Variants in ZNF679 observed in about 807,000 individuals in gnomAD.
ZNF679 encodes zinc finger protein 679, also known as hypothetical protein MGC42415.
In ZNF679, 10 loss-of-function variants were observed where a neutral mutation model predicts 13.4. That is an observed-to-expected ratio of 0.75 (90% CI 0.46 to 1.27). The LOEUF (loss-of-function observed/expected upper bound fraction) is 1.27, where lower values mean the gene tolerates loss of function less well. ZNF679 is among the 50% of genes most tolerant of loss of function. The pLI is 0.00. For synonymous variants in ZNF679, 179 were observed against 162.5 expected (o/e 1.10, Z -0.77); for missense variants, 525 against 477.8 (o/e 1.10, Z -0.92).
Position 64,249,109 on chromosome 7 carries a change from C to G in ZNF679, c.-9C>G, listed in dbSNP as rs117470203. 1 of 1,614,044 alleles carries G rather than the reference C, an allele frequency of 6.2e-7. No homozygotes were observed. Among genetic ancestry groups the G allele is most frequent in the Non-Finnish European group, 8.5e-7 (1 of 1,179,992 alleles). ...TGTGGCCTTGTGTTCTGCAGGTATC[C>G]GCAGATTTATGGCTAAAAGACCGGG... On this transcript the variant is annotated 5_prime_UTR_variant, in exon 2 of 5. Coordinates refer to ENST00000421025, the MANE Select transcript of ZNF679 (RefSeq NM_153363.3).
intron 2 of ZNF679, among the ~76,000 whole-genome samples, chr7:64,256,009 T>C (rs1487865755): frequency 6.6e-6 from 1 of 152,192 alleles, no homozygotes; most frequent in Non-Finnish European, 1.5e-5. Flanking sequence ...TGCAGATTAT[T>C]TTATCACTCA....
At chr7:64,250,152 C>T (rs1252914592) in intron 2 of ZNF679, among the ~76,000 whole-genome samples, 1 of 151,232 alleles carries the variant, frequency 6.6e-6, no homozygotes, top group Non-Finnish European at 1.5e-5. Context: ...ATAAGAGATA[C>T]ATTTGAGTTA....
chr7:64,260,294 A>T lies in ZNF679; in HGVS notation c.113A>T (p.Gln38Leu). The change falls in exon 3 of 5, where the codon CAG becomes CTG. Residue 38 changes from glutamine to leucine, a missense_variant. Transcript: ENST00000421025. ...EEWQCLDHAQQNLYRDVMLEN... is the reference protein window; with the variant it reads ...EEWQCLDHAQLNLYRDVMLEN... ...TGGCAATGCCTGGATCACGCTCAGC[A>T]GAATTTATATAGAGATGTGATGTTA... is the stretch of plus-strand genomic sequence containing the variant. 6.2e-7 allele frequency: 1 copy of T among 1,613,246 alleles called. No homozygotes were observed.
chr7:64,248,449 G>A (rs1474536365), intron 1 of ZNF679, among the ~76,000 whole-genome samples: 4 of 151,982 alleles, frequency 2.6e-5, no homozygotes, highest in East Asian at 3.9e-4. Context: ...CCCTGGCTAA[G>A]TTTTGTATTT....
chr7:64,250,030 T>G (rs984223240), intron 2 of ZNF679, among the ~76,000 whole-genome samples: 3 of 151,910 alleles, frequency 2.0e-5, no homozygotes, highest in African/African-American at 7.3e-5. Context: ...TTAGTAGAGA[T>G]GGGGTTTCAC....
At chr7:64,257,069 T>C (rs1429059755) in intron 2 of ZNF679, among the ~76,000 whole-genome samples, 2 of 150,608 alleles carry the variant, frequency 1.3e-5, no homozygotes, top group African/African-American at 4.8e-5. Context: ...TGAAGTTAGT[T>C]TGAAGTTATT....
intron 1 of ZNF679, among the ~76,000 whole-genome samples, chr7:64,235,893 C>A (rs1787704159): frequency 7.1e-6 from 1 of 140,942 alleles, no homozygotes; most frequent in Non-Finnish European, 1.6e-5. Flanking sequence ...TTCATAGATA[C>A]TTAAAAGACA....
chr7:64,252,420 T>G (rs1291622948), intron 2 of ZNF679, among the ~76,000 whole-genome samples: 1 of 152,222 alleles, frequency 6.6e-6, no homozygotes, highest in East Asian at 1.9e-4. Context: ...TGTATTCTGT[T>G]TGTTAAAAAT....
chr7:64,238,380 C>T (rs189423267), intron 1 of ZNF679, among the ~76,000 whole-genome samples: 4 of 152,174 alleles, frequency 2.6e-5, no homozygotes, highest in Non-Finnish European at 4.4e-5. Context: ...TTTGGTGCTT[C>T]CCCCATTGCA....
intron 2 of ZNF679, among the ~76,000 whole-genome samples, chr7:64,256,242 CATG>C (rs1788003579): frequency 6.6e-6 from 1 of 152,164 alleles, no homozygotes; most frequent in Non-Finnish European, 1.5e-5. Flanking sequence ...CTGCAAAGGA[CATG>C]ATGTTTTCCT....
At chr7:64,237,307 T>G (rs1459166042) in intron 1 of ZNF679, among the ~76,000 whole-genome samples, 1 of 152,212 alleles carries the variant, frequency 6.6e-6, no homozygotes, top group Non-Finnish European at 1.5e-5. Context: ...TGAAGCCTTG[T>G]CATGGGAGGA....
At chr7:64,235,875 A>C (rs948825678) in intron 1 of ZNF679, among the ~76,000 whole-genome samples, 1 of 151,370 alleles carries the variant, frequency 6.6e-6, no homozygotes, top group Admixed American at 6.6e-5. Flanking sequence ...ATTAGAGCAG[A>C]GATAGATTTC....
rs566828368 is a variant in ZNF679 at position 64,258,950 on chromosome 7, C to A, written c.40-1271C>A. On this transcript the variant is annotated intron_variant, in intron 2 of 4. Coordinates refer to ENST00000421025, the MANE Select transcript of ZNF679 (RefSeq NM_153363.3). ...TTTGAGACCGAGTTTTCACTCTTGTCCCCCAGGCTGGAGTGAAATGGCACA... is the reference window on the plus strand; with the variant it reads ...TTTGAGACCGAGTTTTCACTCTTGTACCCCAGGCTGGAGTGAAATGGCACA... Among the ~76,000 whole-genome samples, 6 of 152,016 alleles carry A rather than the reference C, an allele frequency of 3.9e-5. No homozygotes were observed. In the South Asian group the frequency reaches 1.0e-3, roughly 26 times the overall value.
Position 64,233,582 on chromosome 7 carries a change from C to T in ZNF679, c.-91+4930C>T, listed in dbSNP as rs1787670545. Among the ~76,000 whole-genome samples, 5 of 152,124 alleles carry T rather than the reference C, an allele frequency of 3.3e-5. No individual in the cohort carries two copies. The South Asian group carries it at 1.0e-3, about 32-fold the overall frequency. On this transcript the variant is annotated intron_variant, in intron 1 of 4. Transcript: ENST00000421025. ...AGTCACCCTTTCAGGTCTTTGCTTCCGTGTAACCTGCTTGGGGCAGTGCTC... is the reference window on the plus strand; with the variant it reads ...AGTCACCCTTTCAGGTCTTTGCTTCTGTGTAACCTGCTTGGGGCAGTGCTC...
At chr7:64,260,998 T>A in intron 4 of ZNF679, 69 bp downstream of exon 4, 1 of 1,458,900 alleles carries the variant, frequency 6.9e-7, no homozygotes. Flanking sequence ...AGCCAGTCCT[T>A]AAAATGTGAT....
intron 2 of ZNF679, among the ~76,000 whole-genome samples, chr7:64,250,652 A>C (rs1787934057): frequency 6.6e-6 from 1 of 150,848 alleles, no homozygotes; most frequent in African/African-American, 2.4e-5. Context: ...GCAGTGGCTC[A>C]ATCTTGCCTC....
At chr7:64,253,904 A>C (rs1020409519) in intron 2 of ZNF679, among the ~76,000 whole-genome samples, 5 of 152,172 alleles carry the variant, frequency 3.3e-5, no homozygotes, top group Admixed American at 3.3e-4. Flanking sequence ...AAATGTAAGC[A>C]AAGTTGATTA....
At chr7:64,256,984 C>G (rs1328876140) in intron 2 of ZNF679, among the ~76,000 whole-genome samples, 2 of 152,180 alleles carry the variant, frequency 1.3e-5, no homozygotes, top group African/African-American at 2.4e-5. Context: ...TCGTGAGCCA[C>G]TGTGCCTGGC....
chr7:64,237,027 T>C (rs1447869289), intron 1 of ZNF679, among the ~76,000 whole-genome samples: 1 of 144,074 alleles, frequency 6.9e-6, no homozygotes, highest in Non-Finnish European at 1.5e-5. Context: ...GAAAGAAACC[T>C]ATGGGTAGGG....
Sources: gnomAD v4.1 joint callset for allele counts (sites outside exome capture counted in the v4.1 genomes callset) on GRCh38, gnomAD v4.1.1 for gene constraint, MANE v1.5 for transcripts, NCBI Gene and HGNC (gene_info 2026-07-23, HGNC 2026-07-21) for gene names.